The following CCDC192 variants were observed in gnomAD, a reference collection of about 807,000 sequenced individuals.
CCDC192 encodes coiled-coil domain containing 192.
chr5:127,759,658 A>C (rs1336598842), intron 3 of CCDC192, among the ~76,000 whole-genome samples: 1 of 152,062 alleles, frequency 6.6e-6, no homozygotes, highest in Non-Finnish European at 1.5e-5. Context: ...GTTTATTTTC[A>C]CTCCTACCAG....
At chr5:127,808,019 G>T (rs1305045216) in intron 5 of CCDC192, among the ~76,000 whole-genome samples, 1 of 152,036 alleles carries the variant, frequency 6.6e-6, no homozygotes, top group Non-Finnish European at 1.5e-5. Context: ...TTTACTGTCA[G>T]GTTATTATTG....
At chr5:127,920,584 T>C (rs1282894309) in intron 6 of CCDC192, among the ~76,000 whole-genome samples, 1 of 151,874 alleles carries the variant, frequency 6.6e-6, no homozygotes, top group East Asian at 2.0e-4. Context: ...CTAATTTTTG[T>C]ATTTTTAGTA....
At chr5:127,854,487 A>C (rs548241770) in intron 5 of CCDC192, among the ~76,000 whole-genome samples, 109 of 152,280 alleles carry the variant, frequency 7.2e-4, no homozygotes, top group Admixed American at 1.9e-3. Context: ...CACTGTGCCT[A>C]ATTTATAAGT....
At chr5:127,849,468 C>T (rs1446403766) in intron 5 of CCDC192, among the ~76,000 whole-genome samples, 1 of 152,052 alleles carries the variant, frequency 6.6e-6, no homozygotes. Context: ...TGCAAGATAG[C>T]CTCAGGAATT....
At chr5:127,877,287 G>T (rs1182598333) in intron 6 of CCDC192, among the ~76,000 whole-genome samples, 1 of 152,038 alleles carries the variant, frequency 6.6e-6, no homozygotes, top group Non-Finnish European at 1.5e-5. Flanking sequence ...AACTCTAATG[G>T]CTTGGGATAG....
Position 127,921,108 on chromosome 5 carries a change from G to A in CCDC192, c.536-20074G>A, listed in dbSNP as rs545395416. Among the ~76,000 whole-genome samples the A allele has an allele frequency of 3.6e-4, 53 of 147,928 alleles. No homozygotes were observed. In the South Asian group the frequency reaches 4.4e-3, roughly 12 times the overall value. ...GAAAAGAAAGGAAAGGAAAGGAAAG[G>A]AAAGGAGAAAGGAGAGGAAAGGACA... On this transcript the variant is annotated intron_variant, in intron 6 of 6. Transcript: ENST00000514853.
chr5:127,812,835 T>G (rs1332127965), intron 5 of CCDC192, among the ~76,000 whole-genome samples: 1 of 152,172 alleles, frequency 6.6e-6, no homozygotes, highest in African/African-American at 2.4e-5. Context: ...AAAGACAATC[T>G]TTGATGTTTC....
chr5:127,797,761 ATATATATATATATATATT>A (rs1415811243), intron 4 of CCDC192, among the ~76,000 whole-genome samples: 46 of 11,400 alleles, frequency 4.0e-3, no homozygotes, highest in Non-Finnish European at 8.2e-3. Context: ...ATATATATAT[ATATATATATATATATATT>A]TATTTATTTA....
In CCDC192 at chr5:127,797,134, T is replaced by G. The variant is rs889342685; in HGVS notation, c.254T>G (p.Leu85Arg). The change falls in exon 4 of 7, where the codon CTG becomes CGG. Residue 85 changes from leucine (L) to arginine (R), a missense_variant. By Grantham distance (102) the Leu-to-Arg change is moderately radical. Coordinates refer to ENST00000514853, the MANE Select transcript of CCDC192 (RefSeq NM_001317938.2). ...LSVSEGTKSK[L>R]LEQVSRLEEK... Reference sequence around the variant, plus strand: ...GTCTCTGAAGGAACAAAATCAAAACTGCTTGAACAAGTATCCCGGCTGGAG... The same window carrying G: ...GTCTCTGAAGGAACAAAATCAAAACGGCTTGAACAAGTATCCCGGCTGGAG... 2 of 398,190 alleles carry G rather than the reference T, an allele frequency of 5.0e-6. No homozygotes were observed. Among genetic ancestry groups the G allele is most frequent in the African/African-American group, 4.1e-5 (2 of 48,570 alleles). The allele number at this position is 398,190 out of a possible 1,614,324, so 24.7% of individuals were successfully genotyped here. A position where few individuals can be genotyped will look rare whatever the true frequency, so the allele number is the denominator to read the frequency against.
At chr5:127,819,939 CTTGT>C (rs1400961275) in intron 5 of CCDC192, among the ~76,000 whole-genome samples, 4 of 152,264 alleles carry the variant, frequency 2.6e-5, no homozygotes, top group African/African-American at 9.6e-5. Flanking sequence ...TATCTTTATC[CTTGT>C]TTGTTTTCAC....
intron 6 of CCDC192, among the ~76,000 whole-genome samples, chr5:127,939,173 T>A (rs964461454): frequency 7.4e-6 from 1 of 135,228 alleles, no homozygotes. Flanking sequence ...GCTGGAATGC[T>A]GTGGCACAAT....
At position 127,709,058 on chromosome 5, in the gene CCDC192, G is replaced by C. The variant is rs532913978; in HGVS notation, c.114+1298G>C. Among the ~76,000 whole-genome samples the C allele has an allele frequency of 3.8e-4, 57 of 150,982 alleles. No homozygotes were observed. In the South Asian group the frequency reaches 0.011, roughly 30 times the overall value. ...GGAGGCCTTAGGAAGGTTCCAATTAGGCTTTCGGAAAGGGGTGGCGAGGCA... is the reference window on the plus strand; with the variant it reads ...GGAGGCCTTAGGAAGGTTCCAATTACGCTTTCGGAAAGGGGTGGCGAGGCA... On this transcript the variant is annotated intron_variant, in intron 2 of 6. Transcript: ENST00000514853.
chr5:127,721,622 C>A (rs1018961299), intron 2 of CCDC192, among the ~76,000 whole-genome samples: 1 of 152,172 alleles, frequency 6.6e-6, no homozygotes, highest in Admixed American at 6.5e-5. Flanking sequence ...ATCTTTATAG[C>A]AATGCCCCAC....
At chr5:127,788,083 G>GAAAA (rs60238996) in intron 3 of CCDC192, among the ~76,000 whole-genome samples, 9 of 94,600 alleles carry the variant, frequency 9.5e-5, no homozygotes, top group African/African-American at 1.6e-4. Context: ...CTTCACCTCA[G>GAAAA]AAAAAAAAAA....
At chr5:127,906,713 G>A (rs1753204666) in intron 6 of CCDC192, among the ~76,000 whole-genome samples, 2 of 152,066 alleles carry the variant, frequency 1.3e-5, no homozygotes. Context: ...CTGAGCTCGG[G>A]AGTTAGAGGC....
At chr5:127,736,478 T>C (rs1343288399) in intron 2 of CCDC192, among the ~76,000 whole-genome samples, 1 of 152,000 alleles carries the variant, frequency 6.6e-6, no homozygotes, top group Admixed American at 6.5e-5. Context: ...CTTTTTCTAT[T>C]GATTGGAATA....
intron 6 of CCDC192, among the ~76,000 whole-genome samples, chr5:127,900,233 A>G (rs1031881056): frequency 6.6e-5 from 10 of 152,332 alleles, no homozygotes; most frequent in African/African-American, 1.9e-4. Flanking sequence ...CCCTAGCACC[A>G]CAGGTGCTCC....
chr5:127,789,060 T>C (rs1432997274), intron 3 of CCDC192, among the ~76,000 whole-genome samples: 1 of 152,210 alleles, frequency 6.6e-6, no homozygotes, highest in African/African-American at 2.4e-5. Context: ...TTTTTGTCAC[T>C]TTGGCCTTGG....
intron 5 of CCDC192, among the ~76,000 whole-genome samples, chr5:127,837,989 C>T (rs1299064923): frequency 6.6e-6 from 1 of 152,058 alleles, no homozygotes; most frequent in East Asian, 1.9e-4. Flanking sequence ...AGCAAGACTC[C>T]ATCTCAAAAA....
Sources: gnomAD v4.1 joint callset for allele counts (sites outside exome capture counted in the v4.1 genomes callset) on GRCh38, gnomAD v4.1.1 for gene constraint, MANE v1.5 for transcripts, NCBI Gene and HGNC (gene_info 2026-07-23, HGNC 2026-07-21) for gene names.